The following CSMD1 variants were observed in gnomAD, a reference collection of about 807,000 sequenced individuals.
The protein encoded by CSMD1 is CUB and sushi domain-containing protein 1.
A neutral mutation model predicts 417.5 loss-of-function variants in CSMD1; 213 were observed. The ratio of observed to expected loss-of-function variants is 0.51; its 90% CI spans 0.46 to 0.57. CSMD1 has a LOEUF of 0.57. CSMD1 is among the 20% of genes least tolerant of loss of function. The pLI, the probability that CSMD1 is intolerant of heterozygous loss-of-function variation, is 0.00. For missense variants in CSMD1, 6,923 were observed against 4,529.7 expected (o/e 1.53, Z -15.17); for synonymous variants, 2,862 against 1,736.8 (o/e 1.65, Z -16.11).
intron 2 of CSMD1, among the ~76,000 whole-genome samples, chr8:4,481,406 G>C (rs553148065): frequency 6.6e-6 from 1 of 152,174 alleles, no homozygotes; most frequent in Non-Finnish European, 1.5e-5. Context: ...AGGAGACCTT[G>C]GATCACAGTT....
intron 10 of CSMD1, among the ~76,000 whole-genome samples, chr8:3,565,809 C>G (rs983164649): frequency 1.3e-4 from 20 of 151,610 alleles, no homozygotes; most frequent in African/African-American, 4.4e-4. Context: ...AGATATCTCT[C>G]AAATATATTG....
At chr8:3,047,645 C>T (rs1352923866) in intron 50 of CSMD1, among the ~76,000 whole-genome samples, 1 of 152,178 alleles carries the variant, frequency 6.6e-6, no homozygotes, top group South Asian at 2.1e-4. Context: ...TCTGCTTCTC[C>T]CTTCCTTTAC....
chr8:3,411,717 T>TAC (rs1458122753), intron 12 of CSMD1, among the ~76,000 whole-genome samples: 1 of 128,480 alleles, frequency 7.8e-6, no homozygotes, highest in Non-Finnish European at 1.7e-5. Context: ...CACGTATATA[T>TAC]ACACGTACAT....
chr8:2,981,134 T>A (rs553971290), intron 54 of CSMD1, among the ~76,000 whole-genome samples: 1 of 152,200 alleles, frequency 6.6e-6, no homozygotes, highest in Non-Finnish European at 1.5e-5. Flanking sequence ...AGGAATAATT[T>A]GATTTATTTG....
At chr8:4,485,292 T>C (rs1208747808) in intron 2 of CSMD1, among the ~76,000 whole-genome samples, 1 of 152,166 alleles carries the variant, frequency 6.6e-6, no homozygotes, top group East Asian at 1.9e-4. Flanking sequence ...GCTGAGAACA[T>C]TTATCCCCAG....
chr8:3,396,483 A>G, intron 16 of CSMD1, 102 bp from the exon 17 acceptor site: 1 of 753,512 alleles, frequency 1.3e-6, no homozygotes, highest in Admixed American at 3.3e-5. Flanking sequence ...ATGTACGTTA[A>G]CATGAAGAAA....
intron 9 of CSMD1, among the ~76,000 whole-genome samples, chr8:3,575,732 T>C (rs368370063): frequency 2.1e-5 from 3 of 141,048 alleles, no homozygotes; most frequent in Non-Finnish European, 4.7e-5. Flanking sequence ...ATAAAAAAAA[T>C]CTTAAAGTTG....
At chr8:3,467,445 T>C (rs993309250) in intron 12 of CSMD1, among the ~76,000 whole-genome samples, 14 of 152,328 alleles carry the variant, frequency 9.2e-5, no homozygotes, top group Admixed American at 3.9e-4. Context: ...AAAAGTTCAA[T>C]TGAAGGTCAG....
intron 3 of CSMD1, among the ~76,000 whole-genome samples, chr8:4,067,888 C>G (rs139425965): frequency 6.6e-6 from 1 of 152,144 alleles, no homozygotes; most frequent in Admixed American, 6.5e-5. Flanking sequence ...ACCATCCTGG[C>G]CAACATGATG....
chr8:4,000,262 G>A (rs183673007), intron 4 of CSMD1, among the ~76,000 whole-genome samples: 3 of 151,956 alleles, frequency 2.0e-5, no homozygotes, highest in East Asian at 1.9e-4. Context: ...CACTGTGCAA[G>A]CACACACACT....
At chr8:4,871,283 T>G (rs542366797) in intron 1 of CSMD1, among the ~76,000 whole-genome samples, 3 of 152,268 alleles carry the variant, frequency 2.0e-5, no homozygotes, top group African/African-American at 7.2e-5. Context: ...ATTTTAAATT[T>G]CCACTGCAAT....
chr8:3,306,667 A>C (rs1002379709), intron 25 of CSMD1, among the ~76,000 whole-genome samples: 1 of 134,912 alleles, frequency 7.4e-6, no homozygotes, highest in Non-Finnish European at 1.5e-5. Context: ...ATGAAACAGA[A>C]AGGTTAATTG....
intron 3 of CSMD1, among the ~76,000 whole-genome samples, chr8:4,080,007 T>G (rs1800043605): frequency 6.6e-6 from 1 of 152,168 alleles, no homozygotes; most frequent in Middle Eastern, 3.4e-3. Flanking sequence ...ATTGGTGTTT[T>G]TTTTTTTTTC....
intron 5 of CSMD1, among the ~76,000 whole-genome samples, chr8:3,922,362 T>C (rs1266895959): frequency 6.6e-6 from 1 of 152,132 alleles, no homozygotes; most frequent in Non-Finnish European, 1.5e-5. Flanking sequence ...AAAAATTAAG[T>C]AACTTACACA....
intron 42 of CSMD1, among the ~76,000 whole-genome samples, chr8:3,117,938 G>A (rs79795782): frequency 1.3e-5 from 2 of 152,160 alleles, no homozygotes; most frequent in African/African-American, 2.4e-5. Context: ...CTACAAAAAT[G>A]AGCTCATTTT....
In CSMD1 at chr8:4,563,196, T is replaced by C. The variant is rs1032148570; in HGVS notation, c.302+74146A>G. On this transcript the variant is annotated intron_variant, in intron 2 of 69. Transcript: ENST00000635120. ...GCAGGCGGATCACGAGGTCAGGAGA[T>C]TGAGACCATCCTGGCTAACACGGTG... 3.3e-5 allele frequency among the ~76,000 whole-genome samples: 5 copies of C among 152,062 alleles called. No homozygotes were observed. The East Asian group carries it at 9.7e-4, about 29-fold the overall frequency.
chr8:3,727,555 G>C (rs571169941), intron 6 of CSMD1, among the ~76,000 whole-genome samples: 108 of 152,264 alleles, frequency 7.1e-4, no homozygotes, highest in Non-Finnish European at 1.3e-3. Flanking sequence ...AAACAGTATG[G>C]AAGTTCCTCG....
intron 2 of CSMD1, among the ~76,000 whole-genome samples, chr8:4,441,573 T>C (rs1311495712): frequency 6.6e-6 from 1 of 152,164 alleles, no homozygotes; most frequent in African/African-American, 2.4e-5. Flanking sequence ...ATCTCATCTA[T>C]GCAAACATTT....
At chr8:3,713,968 TG>T (rs1211497399) in intron 6 of CSMD1, among the ~76,000 whole-genome samples, 15 of 152,128 alleles carry the variant, frequency 9.9e-5, no homozygotes, top group Non-Finnish European at 4.4e-5. Flanking sequence ...TTACTACTAT[TG>T]GTAGCAATAA....
Sources: gnomAD v4.1 joint callset for allele counts (sites outside exome capture counted in the v4.1 genomes callset) on GRCh38, gnomAD v4.1.1 for gene constraint, MANE v1.5 for transcripts, NCBI Gene and HGNC (gene_info 2026-07-23, HGNC 2026-07-21) for gene names.